SPAG16: variants seen among roughly 807,000 people sequenced by gnomAD.
SPAG16 encodes the protein sperm associated antigen 16, also known as sperm-associated antigen 16 protein.
A neutral mutation model predicts 80.4 loss-of-function variants in SPAG16; 86 were observed. The observed-to-expected ratio is 1.07, with a 90% CI of 0.90 to 1.28. The LOEUF (loss-of-function observed/expected upper bound fraction) is 1.28, where lower values mean the gene tolerates loss of function less well. Among genes scored for constraint, SPAG16 ranks in the 50% most tolerant of loss-of-function variants. The probability of loss-of-function intolerance (pLI) is 0.00; values close to 1 mark genes in which losing one functional copy is unlikely to be tolerated. For synonymous variants in SPAG16, 294 were observed against 265.9 expected, an observed-to-expected ratio of 1.11 and a Z score of -1.03; for missense variants, 870 against 765.3, an observed-to-expected ratio of 1.14 and a Z score of -1.61.
chr2:213,833,133 A>C (rs2073770018), intron 10 of SPAG16, among the ~76,000 whole-genome samples: 1 of 151,406 alleles, frequency 6.6e-6, no homozygotes, highest in Admixed American at 6.6e-5. Flanking sequence ...ATATTTTTGT[A>C]TCCTAAGCAT....
At chr2:214,150,284 A>G (rs913774946) in intron 15 of SPAG16, among the ~76,000 whole-genome samples, 1 of 152,106 alleles carries the variant, frequency 6.6e-6, no homozygotes, top group African/African-American at 2.4e-5. Flanking sequence ...GAAATTTAGA[A>G]AATGGTAAGT....
intron 1 of SPAG16, 80 bp downstream of exon 1, chr2:213,284,699 G>A: frequency 6.7e-7 from 1 of 1,497,554 alleles, no homozygotes; most frequent in Non-Finnish European, 8.9e-7. Flanking sequence ...TCCCACTGGC[G>A]GCGCCTTTTG....
At chr2:213,377,538 T>G (rs1328367861) in intron 9 of SPAG16, among the ~76,000 whole-genome samples, 1 of 152,120 alleles carries the variant, frequency 6.6e-6, no homozygotes, top group Non-Finnish European at 1.5e-5. Context: ...GAAGTTAAAT[T>G]TTCACCTAAC....
chr2:214,142,144 T>C (rs1329538183), intron 14 of SPAG16, among the ~76,000 whole-genome samples: 3 of 152,212 alleles, frequency 2.0e-5, no homozygotes, highest in African/African-American at 7.2e-5. Flanking sequence ...CCACTCACTT[T>C]CTTTTCAACT....
chr2:213,322,345 AAAAAAAAAAAAC>A (rs2063656431), intron 5 of SPAG16, among the ~76,000 whole-genome samples: 2 of 118,446 alleles, frequency 1.7e-5, no homozygotes, highest in South Asian at 4.1e-4. Context: ...AAAAAAAAAA[AAAAAAAAAAAAC>A]AAAAAACTCG....
intron 15 of SPAG16, among the ~76,000 whole-genome samples, chr2:214,309,673 G>A (rs191038447): frequency 6.6e-6 from 1 of 152,218 alleles, no homozygotes; most frequent in East Asian, 1.9e-4. Context: ...CCAACACTCA[G>A]CTCTCAACCT....
At chr2:213,883,739 G>T (rs1299314730) in intron 11 of SPAG16, among the ~76,000 whole-genome samples, 1 of 152,130 alleles carries the variant, frequency 6.6e-6, no homozygotes. Context: ...CTGCTTGTTG[G>T]ATTGCACCCT....
At chr2:213,509,713 C>G (rs1350934130) in intron 10 of SPAG16, among the ~76,000 whole-genome samples, 1 of 152,012 alleles carries the variant, frequency 6.6e-6, no homozygotes, top group Admixed American at 6.6e-5. Context: ...CAAGAGAAAG[C>G]ATGAAAGATC....
At chr2:213,298,969 T>G (rs2062614219) in intron 3 of SPAG16, among the ~76,000 whole-genome samples, 1 of 152,208 alleles carries the variant, frequency 6.6e-6, no homozygotes, top group Non-Finnish European at 1.5e-5. Context: ...ATTTGCTTTT[T>G]ATTTCTAAAG....
intron 9 of SPAG16, among the ~76,000 whole-genome samples, chr2:213,445,186 CAAT>C (rs1319473720): frequency 3.3e-5 from 5 of 152,158 alleles, no homozygotes; most frequent in Non-Finnish European, 7.3e-5. Flanking sequence ...TTCTGCGCAA[CAAT>C]GAGAACAACC....
chr2:213,554,739 A>G (rs2059372635), intron 10 of SPAG16, among the ~76,000 whole-genome samples: 1 of 151,954 alleles, frequency 6.6e-6, no homozygotes, highest in African/African-American at 2.4e-5. Flanking sequence ...AAGCAGAATT[A>G]GTCAAGCAGA....
chr2:213,895,893 A>G (rs115901508), intron 11 of SPAG16, among the ~76,000 whole-genome samples: 2 of 152,274 alleles, frequency 1.3e-5, no homozygotes, highest in African/African-American at 4.8e-5. Flanking sequence ...TTCATACTGT[A>G]AAAGCACAGG....
intron 15 of SPAG16, among the ~76,000 whole-genome samples, chr2:214,204,286 A>G (rs1226932200): frequency 1.3e-5 from 2 of 152,158 alleles, no homozygotes; most frequent in African/African-American, 4.8e-5. Flanking sequence ...TGGGAGCTCT[A>G]TGGCCCTGCC....
chr2:213,542,306 T>G (rs1686448884), intron 10 of SPAG16, among the ~76,000 whole-genome samples: 1 of 152,160 alleles, frequency 6.6e-6, no homozygotes, highest in African/African-American at 2.4e-5. Context: ...ATATAATTAT[T>G]TTTACAAAGC....
At chr2:213,967,597 A>T (rs2044772227) in intron 12 of SPAG16, among the ~76,000 whole-genome samples, 1 of 152,202 alleles carries the variant, frequency 6.6e-6, no homozygotes, top group Non-Finnish European at 1.5e-5. Flanking sequence ...ATAGATGTAA[A>T]TATTTAAATA....
Position 213,408,026 on chromosome 2 carries a change from C to A in SPAG16, c.942+32907C>A, listed in dbSNP as rs185303490. Among the ~76,000 whole-genome samples, 10 of 130,234 alleles carry A rather than the reference C, an allele frequency of 7.7e-5. No individual in the cohort carries two copies. In the East Asian group the frequency reaches 1.8e-3, roughly 24 times the overall value. 85.4% of individuals were successfully genotyped at this position (130,234 alleles called of 152,430 possible). A position where few individuals can be genotyped will look rare whatever the true frequency, so the allele number is the denominator to read the frequency against. ...GAGACAGGAGAGAGGCAGAGAGAGA[C>A]AGGAGAGAGGCAGAGAGAGACAGGC... On this transcript the variant is annotated intron_variant, in intron 9 of 15. Transcript: ENST00000331683.
intron 15 of SPAG16, among the ~76,000 whole-genome samples, chr2:214,265,299 A>G (rs528700069): frequency 8.5e-5 from 13 of 152,196 alleles, no homozygotes; most frequent in African/African-American, 3.1e-4. Context: ...TGGCCATTCT[A>G]ATCAGTGTAC....
At chr2:214,295,128 G>A (rs1485768338) in intron 15 of SPAG16, among the ~76,000 whole-genome samples, 1 of 152,132 alleles carries the variant, frequency 6.6e-6, no homozygotes, top group Non-Finnish European at 1.5e-5. Context: ...TAGTGCTCAG[G>A]TCTACCACTT....
At chr2:213,619,878 A>T (rs550781900) in intron 10 of SPAG16, among the ~76,000 whole-genome samples, 84 of 152,192 alleles carry the variant, frequency 5.5e-4, no homozygotes, top group Non-Finnish European at 1.0e-3. Flanking sequence ...TTATTGCAGC[A>T]CTATTCACAG....
Sources: gnomAD v4.1 joint callset for allele counts (sites outside exome capture counted in the v4.1 genomes callset) on GRCh38, gnomAD v4.1.1 for gene constraint, MANE v1.5 for transcripts, NCBI Gene and HGNC (gene_info 2026-07-23, HGNC 2026-07-21) for gene names.